Variants in AOAH observed in about 807,000 individuals in gnomAD.
AOAH encodes acyloxyacyl hydrolase.
AOAH carries 64 observed loss-of-function variants against 92.2 expected under a neutral mutation model. The ratio of observed to expected loss-of-function variants is 0.69; its 90% CI spans 0.57 to 0.86. The LOEUF (loss-of-function observed/expected upper bound fraction) is 0.86, where lower values mean the gene tolerates loss of function less well. Ranked by LOEUF, AOAH falls within the 40% of genes least tolerant of loss-of-function variation. The probability of loss-of-function intolerance (pLI) is 0.00; values close to 1 mark genes in which losing one functional copy is unlikely to be tolerated. For missense variants in AOAH, 656 were observed against 694.6 expected (o/e 0.94, Z 0.62); for synonymous variants, 263 against 254.5 (o/e 1.03, Z -0.32).
At chr7:36,585,640 A>G (rs909726079) in intron 12 of AOAH, among the ~76,000 whole-genome samples, 3 of 152,250 alleles carry the variant, frequency 2.0e-5, no homozygotes, top group African/African-American at 7.2e-5. Context: ...AGTATTGGAC[A>G]AGAAGGAAAA....
intron 11 of AOAH, among the ~76,000 whole-genome samples, chr7:36,596,315 T>G (rs867192694): frequency 6.6e-6 from 1 of 152,198 alleles, no homozygotes; most frequent in African/African-American, 2.4e-5. Flanking sequence ...TTCAGAGAGA[T>G]AGAGAATGAG....
intron 1 of AOAH, among the ~76,000 whole-genome samples, chr7:36,708,473 C>A (rs1400498149): frequency 2.6e-5 from 4 of 151,892 alleles, no homozygotes; most frequent in African/African-American, 9.7e-5. Flanking sequence ...TCCTTTAATT[C>A]TTTCGCTATG....
chr7:36,581,388 T>G (rs144209155), intron 12 of AOAH, among the ~76,000 whole-genome samples: 1 of 152,372 alleles, frequency 6.6e-6, no homozygotes, highest in Non-Finnish European at 1.5e-5. Flanking sequence ...GTAGGGCTTT[T>G]CAAGGGAGAG....
At chr7:36,596,802 C>A (rs1790157911) in intron 11 of AOAH, among the ~76,000 whole-genome samples, 1 of 152,166 alleles carries the variant, frequency 6.6e-6, no homozygotes, top group South Asian at 2.1e-4. Context: ...GCTTGTGGTA[C>A]TTTGATATGG....
chr7:36,668,871 G>T (rs1409989931), intron 3 of AOAH, among the ~76,000 whole-genome samples: 1 of 152,178 alleles, frequency 6.6e-6, no homozygotes, highest in Admixed American at 6.5e-5. Context: ...AGAACAGAGT[G>T]GTGACTTTCA....
intron 1 of AOAH, among the ~76,000 whole-genome samples, chr7:36,694,334 T>TA (rs1377265281): frequency 2.7e-4 from 41 of 151,728 alleles, no homozygotes; most frequent in Admixed American, 1.6e-3. Context: ...CTGTCCCTGT[T>TA]AAAAATACAA....
chr7:36,569,077 C>T (rs566283643), intron 13 of AOAH, among the ~76,000 whole-genome samples: 23 of 152,216 alleles, frequency 1.5e-4, no homozygotes, highest in African/African-American at 5.1e-4. Flanking sequence ...CATGTGAGTC[C>T]TCTGCTCTCT....
In AOAH at chr7:36,513,092, C is replaced by G. The variant is rs1481318088; in HGVS notation, c.*160G>C. The G allele has an allele frequency of 1.9e-6, 3 of 1,583,840 alleles. No homozygotes were observed. Among genetic ancestry groups the G allele is most frequent in the Middle Eastern group, 1.6e-4 (1 of 6,062 alleles). On this transcript the variant is annotated 3_prime_UTR_variant, in exon 21 of 21. Transcript: ENST00000617537. ...GGAGCACACAGCATTGCACAGTCGT[C>G]CAGATATGCTCTTCATTGAGAGAAA... is the stretch of plus-strand genomic sequence containing the variant.
chr7:36,710,782 G>T (rs1378664499), intron 1 of AOAH, among the ~76,000 whole-genome samples: 1 of 152,068 alleles, frequency 6.6e-6, no homozygotes, highest in Non-Finnish European at 1.5e-5. Context: ...AGGACTTTTT[G>T]CCTTACAATA....
chr7:36,687,592 G>A (rs1302056363), intron 1 of AOAH, among the ~76,000 whole-genome samples: 5 of 151,110 alleles, frequency 3.3e-5, no homozygotes, highest in African/African-American at 1.2e-4. Flanking sequence ...ACAAGTGGTT[G>A]GTCAAAGATC....
At chr7:36,601,981 T>G (rs1252879411) in intron 11 of AOAH, among the ~76,000 whole-genome samples, 1 of 152,224 alleles carries the variant, frequency 6.6e-6, no homozygotes, top group Non-Finnish European at 1.5e-5. Flanking sequence ...TAAAATGTAC[T>G]ACACACCAGC....
chr7:36,602,403 TAC>T (rs1469337180), intron 11 of AOAH, among the ~76,000 whole-genome samples: 2 of 152,068 alleles, frequency 1.3e-5, no homozygotes, highest in Non-Finnish European at 2.9e-5. Context: ...GAACGCATTG[TAC>T]AGTTAAACTC....
In AOAH at chr7:36,724,200, A is replaced by T; in HGVS notation, c.-52T>A. 6.2e-7 allele frequency: 1 copy of T among 1,603,802 alleles called. No homozygotes were observed. Among genetic ancestry groups the T allele is most frequent in the Non-Finnish European group, 8.5e-7 (1 of 1,173,920 alleles). On this transcript the variant is annotated 5_prime_UTR_variant, in exon 1 of 21. Coordinates refer to ENST00000617537, the MANE Select transcript of AOAH (RefSeq NM_001637.4). ...ACCCGGCTTTGGAAGCTCCCAACTG[A>T]GGGATGCTGGAGCTGAGGCTGCAGA...
At chr7:36,634,962 A>G (rs975458222) in intron 5 of AOAH, among the ~76,000 whole-genome samples, 2 of 152,178 alleles carry the variant, frequency 1.3e-5, no homozygotes, top group African/African-American at 4.8e-5. Flanking sequence ...TGGGTGGCAG[A>G]TGATATAGGG....
intron 6 of AOAH, 30 bp from the exon 7 acceptor site, chr7:36,623,280 A>G (rs189776535): frequency 1.1e-4 from 178 of 1,602,846 alleles, no homozygotes; most frequent in Non-Finnish European, 6.0e-6. Context: ...ACAATCGGTG[A>G]GCTAACAAAA....
intron 13 of AOAH, among the ~76,000 whole-genome samples, chr7:36,569,026 T>G (rs1787907791): frequency 6.6e-6 from 1 of 152,006 alleles, no homozygotes; most frequent in Non-Finnish European, 1.5e-5. Context: ...TTCCATGAAG[T>G]GTTAAAATTC....
intron 13 of AOAH, among the ~76,000 whole-genome samples, chr7:36,576,186 C>T (rs917004124): frequency 8.5e-5 from 13 of 152,202 alleles, no homozygotes; most frequent in African/African-American, 1.9e-4. Context: ...CCAGCAGAAA[C>T]GTGGGAGACT....
intron 13 of AOAH, among the ~76,000 whole-genome samples, chr7:36,568,486 C>T (rs1228263535): frequency 6.6e-6 from 1 of 152,168 alleles, no homozygotes; most frequent in African/African-American, 2.4e-5. Flanking sequence ...CCTTTCTGAC[C>T]CATTGGGCAC....
At chr7:36,513,505 GTC>G (rs1790163823) in intron 20 of AOAH, 125 bp from the exon 21 acceptor site, 2 of 893,762 alleles carry the variant, frequency 2.2e-6, no homozygotes, top group Non-Finnish European at 3.4e-6. Flanking sequence ...CCACCCCCAT[GTC>G]TCTGTATAAC....
Sources: allele counts gnomAD v4.1 joint callset (sites outside exome capture counted in the v4.1 genomes callset), GRCh38; gene constraint gnomAD v4.1.1; transcripts MANE v1.5; gene names NCBI Gene and HGNC (gene_info 2026-07-23, HGNC 2026-07-21).